HERC1: variants seen among roughly 807,000 people sequenced by gnomAD.
HERC1 encodes the protein HECT and RLD domain containing E3 ubiquitin protein ligase family member 1.
HERC1 carries 160 observed loss-of-function variants against 554.3 expected under a neutral mutation model. The ratio of observed to expected loss-of-function variants is 0.29; its 90% CI spans 0.25 to 0.33. The LOEUF (loss-of-function observed/expected upper bound fraction) is 0.33, where lower values mean the gene tolerates loss of function less well. Ranked by LOEUF, HERC1 falls within the 10% of genes least tolerant of loss-of-function variation. The pLI is 1.00. For synonymous variants in HERC1, 2,175 were observed against 2,131.7 expected (o/e 1.02, Z -0.56); for missense variants, 4,919 against 5,918.5 (o/e 0.83, Z 5.54).
chr15:63,690,210 G>A (rs1418645562), intron 32 of HERC1, among the ~76,000 whole-genome samples: 1 of 151,442 alleles, frequency 6.6e-6, no homozygotes, highest in Admixed American at 6.6e-5. Flanking sequence ...TTAGAAAGTG[G>A]GTCCCATTTT....
At chr15:63,715,655 G>T (rs924622347) in intron 22 of HERC1, among the ~76,000 whole-genome samples, 4 of 152,154 alleles carry the variant, frequency 2.6e-5, no homozygotes. Context: ...GGTACCGACT[G>T]AATGCACACT....
chr15:63,831,550 C>T (rs772064277), intron 1 of HERC1, among the ~76,000 whole-genome samples: 7 of 152,114 alleles, frequency 4.6e-5, no homozygotes, highest in Non-Finnish European at 1.0e-4. Flanking sequence ...TCTCACTCTC[C>T]AAGCCACGAT....
At position 63,677,856 on chromosome 15, in the gene HERC1, T is replaced by A. The variant is rs1485796758; in HGVS notation, c.7059A>T (p.Glu2353Asp). Residue 2353 changes from glutamate to aspartate, a missense_variant, in exon 37 of 78, where the codon GAA becomes GAT. Glu to Asp is a conservative substitution (Grantham distance 45). Coordinates refer to ENST00000443617, the MANE Select transcript of HERC1 (RefSeq NM_003922.4). This position sits in a 1 kb window ranked among gnomAD's most constrained non-coding sequence, Gnocchi z 4.4. The stretch of plus-strand genomic sequence containing the variant: ...TCAACAGATCATACCTGATAGTAAT[T>A]TCTGCTTCATCCCATTGGACCTTGG... The part of the protein sequence containing the change: ...TSAKVQWDEA[E>D]ITISFPTFWS... 1 of 1,613,498 alleles carries A rather than the reference T, an allele frequency of 6.2e-7. No homozygotes were observed. Among genetic ancestry groups the A allele is most frequent in the Non-Finnish European group, 8.5e-7 (1 of 1,179,618 alleles).
chr15:63,744,110 C>CTCTGTGTGTGTG (rs1555433487), intron 12 of HERC1, among the ~76,000 whole-genome samples: 1 of 93,424 alleles, frequency 1.1e-5, no homozygotes, highest in African/African-American at 4.8e-5. Context: ...CCCAAACAGA[C>CTCTGTGTGTGTG]TGTGTGTGTG....
chr15:63,682,120 G>T (rs1057190515), intron 34 of HERC1, among the ~76,000 whole-genome samples: 1 of 152,018 alleles, frequency 6.6e-6, no homozygotes, highest in Non-Finnish European at 1.5e-5. Flanking sequence ...AGAAAGAGAC[G>T]AAAGGAAAAG....
intron 40 of HERC1, among the ~76,000 whole-genome samples, chr15:63,667,808 G>A (rs1191876841): frequency 6.6e-6 from 1 of 152,142 alleles, no homozygotes; most frequent in Non-Finnish European, 1.5e-5. Flanking sequence ...TGTACTGCTC[G>A]GGTCCACTTA....
rs745676697 is a variant in HERC1, at chr15:63,657,750, GATTT to G, written c.9599+790_9599+793del. Among the ~76,000 whole-genome samples, 105 of 152,040 alleles carry G rather than the reference GATTT, an allele frequency of 6.9e-4. 2 individuals are homozygous for G. The highest frequency in any genetic ancestry group is 2.0e-3 in the Admixed American group (31 of 15,268). On this transcript the variant is annotated intron_variant, in intron 48 of 77. Transcript: ENST00000443617. ...TATGTTACCTTCAATAAACTTTATT[GATTT>G]ATTTTTCTTTTATATTTAGATCTAA...
At chr15:63,827,074 T>C (rs1440812311) in intron 1 of HERC1, among the ~76,000 whole-genome samples, 3 of 151,900 alleles carry the variant, frequency 2.0e-5, no homozygotes, top group African/African-American at 7.3e-5. Flanking sequence ...TAAATGCCCA[T>C]ACATAGATGA....
At chr15:63,819,605 T>A (rs1170561106) in intron 1 of HERC1, among the ~76,000 whole-genome samples, 2 of 152,182 alleles carry the variant, frequency 1.3e-5, no homozygotes, top group East Asian at 3.8e-4. Context: ...ATTCCTCTCC[T>A]TGGCAAAACA....
chr15:63,742,958 T>G (rs906017820), intron 12 of HERC1, among the ~76,000 whole-genome samples: 6 of 152,188 alleles, frequency 3.9e-5, no homozygotes, highest in Admixed American at 1.3e-4. Context: ...CTTGCAATGT[T>G]TTGGTCCACA....
chr15:63,777,383 G>C (rs1354409698), intron 1 of HERC1, among the ~76,000 whole-genome samples: 2 of 152,168 alleles, frequency 1.3e-5, no homozygotes, highest in Non-Finnish European at 2.9e-5. Context: ...GCATTGTGCA[G>C]AGGACATAAA....
chr15:63,755,208 T>TA (rs773841381), intron 6 of HERC1, 21 bp downstream of exon 6: 3 of 1,526,116 alleles, frequency 2.0e-6, no homozygotes, highest in East Asian at 2.3e-5. Flanking sequence ...AAGAATAACT[T>TA]ACATTTTTAA....
At chr15:63,710,961 T>C (rs930592697) in intron 24 of HERC1, among the ~76,000 whole-genome samples, 4 of 152,164 alleles carry the variant, frequency 2.6e-5, no homozygotes, top group East Asian at 1.9e-4. Context: ...TGTAAGGACT[T>C]AGACTTCTAG....
chr15:63,614,444 T>C (rs1191440541), intron 76 of HERC1, among the ~76,000 whole-genome samples: 1 of 152,206 alleles, frequency 6.6e-6, no homozygotes, highest in Non-Finnish European at 1.5e-5. Context: ...GGATTAAAAA[T>C]ATTCATCAAC....
At chr15:63,700,708 CAAA>C (rs11314964) in intron 25 of HERC1, among the ~76,000 whole-genome samples, 112 of 64,586 alleles carry the variant, frequency 1.7e-3, no homozygotes, top group African/African-American at 4.9e-3. Context: ...GACCCTGCCT[CAAA>C]AAAAAAAAAA....
Position 63,754,608 on chromosome 15 carries a change from T to C in HERC1, c.1671A>G (p.Val557=), listed in dbSNP as rs767997243. 2.4e-5 allele frequency: 38 copies of C among 1,613,594 alleles called. No homozygotes were observed. The highest frequency in any genetic ancestry group is 3.1e-5 in the Non-Finnish European group (36 of 1,179,724). The change falls in exon 7 of 78, where the codon GTA becomes GTG. Residue 557 remains valine (V), a synonymous_variant. Transcript: ENST00000443617. ...DSNSRNIPTL[V]KDISNVGEVS... ...CCTCTCCTACATTGCTGATGTCTTT[T>C]ACTAATGTTGGAATGTTACGACTAT...
At position 63,749,461 on chromosome 15, in the gene HERC1, G is replaced by C; in HGVS notation, c.2125C>G (p.Pro709Ala). ...QGNSTGPITK[P>A]KKVSGLDGIA... ...CCATCTAAGCCACTCACTTTCTTTG[G>C]TTTAGTAATAGGACCTGTGGAATTT... The change falls in exon 10 of 78, where the codon CCA (proline) becomes GCA (alanine). Residue 709 changes from proline to alanine, a missense_variant. By Grantham distance (27) the Pro-to-Ala change is conservative. Around this residue, in one of 11 missense-constraint regions of HERC1, gnomAD observed 744 missense variants for 1,090.0 expected, o/e 0.68. Coordinates refer to ENST00000443617, the MANE Select transcript of HERC1 (RefSeq NM_003922.4). This position sits in a 1 kb window ranked among gnomAD's most constrained non-coding sequence, Gnocchi z 4.1. 2 of 1,613,716 alleles carry C rather than the reference G, an allele frequency of 1.2e-6. No individual in the cohort carries two copies. Among genetic ancestry groups the C allele is most frequent in the Non-Finnish European group, 1.7e-6 (2 of 1,179,754 alleles).
At chr15:63,730,751 C>T (rs1310609736) in intron 14 of HERC1, among the ~76,000 whole-genome samples, 2 of 152,172 alleles carry the variant, frequency 1.3e-5, no homozygotes, top group Non-Finnish European at 2.9e-5. Context: ...CTGCAATTTA[C>T]TCTCAAATGA....
At chr15:63,628,359 C>CA (rs978504371) in intron 70 of HERC1, among the ~76,000 whole-genome samples, 2 of 152,146 alleles carry the variant, frequency 1.3e-5, no homozygotes, top group Admixed American at 1.3e-4. Flanking sequence ...CACTGCACTC[C>CA]AGCCTAGGTG....
Sources: gnomAD v4.1 joint callset for allele counts (sites outside exome capture counted in the v4.1 genomes callset) on GRCh38, gnomAD v4.1.1 for gene constraint, gnomAD v4.1.1 regional missense constraint, Gnocchi (gnomAD v3.1) non-coding constraint, MANE v1.5 for transcripts, NCBI Gene and HGNC (gene_info 2026-07-23, HGNC 2026-07-21) for gene names.